SMURF1: variants seen among roughly 807,000 people sequenced by gnomAD.
The protein encoded by SMURF1 is SMAD specific E3 ubiquitin protein ligase 1, also known as E3 ubiquitin-protein ligase SMURF1.
A neutral mutation model predicts 98.0 loss-of-function variants in SMURF1; 44 were observed. The observed-to-expected ratio is 0.45, with a 90% CI of 0.35 to 0.58. The LOEUF (loss-of-function observed/expected upper bound fraction) is 0.58. SMURF1 is among the 20% of genes least tolerant of loss of function. The probability of loss-of-function intolerance (pLI) is 0.00; values close to 1 mark genes in which losing one functional copy is unlikely to be tolerated. For missense variants in SMURF1, 687 were observed against 938.4 expected (o/e 0.73, Z 3.50); for synonymous variants, 396 against 374.9 (o/e 1.06, Z -0.65).
At chr7:99,101,920 C>G (rs1797090958) in intron 1 of SMURF1, among the ~76,000 whole-genome samples, 1 of 147,510 alleles carries the variant, frequency 6.8e-6, no homozygotes, top group Non-Finnish European at 1.5e-5. Flanking sequence ...GGCGACAGAG[C>G]ACGACCACGT....
In SMURF1 at chr7:99,042,729, G is replaced by GACAA. The variant is rs1439074248; in HGVS notation, c.1257-501_1257-498dup. 2.6e-5 allele frequency among the ~76,000 whole-genome samples: 4 copies of GACAA among 152,366 alleles called. No homozygotes were observed. The East Asian group carries it at 7.7e-4, about 29-fold the overall frequency. On this transcript the variant is annotated intron_variant, in intron 11 of 17. Transcript: ENST00000361368. ...CAGGTTGCATTAAGCCCAGCCCTTA[G>GACAA]ACAAACACCTGTGGCAGATCTACGA...
intron 1 of SMURF1, among the ~76,000 whole-genome samples, chr7:99,140,128 G>A (rs1414047225): frequency 6.6e-6 from 1 of 152,032 alleles, no homozygotes; most frequent in Non-Finnish European, 1.5e-5. Flanking sequence ...TAAAGAAACT[G>A]AGACCCAAAA....
rs771219258 is a variant in SMURF1 at position 99,035,610 on chromosome 7, G to A, written c.1916C>T (p.Ala639Val). ...CCTTTCTTCATCGAACGTCTCCACC[G>A]CTTGCCAGAACCACCGCACGATGTT... ...DSNIVRWFWQAVETFDEERRA... is the reference protein window; with the variant it reads ...DSNIVRWFWQVVETFDEERRA... The change falls in exon 16 of 18, where the codon GCG (alanine) becomes GTG (valine). Residue 639 changes from alanine to valine, a missense_variant. Transcript: ENST00000361368. 9 of 1,614,166 alleles carry A rather than the reference G, an allele frequency of 5.6e-6. No homozygotes were observed. The highest frequency in any genetic ancestry group is 1.7e-5 in the Admixed American group (1 of 60,020).
chr7:99,106,615 C>CT (rs1797199477), intron 1 of SMURF1, among the ~76,000 whole-genome samples: 1 of 152,206 alleles, frequency 6.6e-6, no homozygotes, highest in Admixed American at 6.5e-5. Context: ...CAGCCTCTGT[C>CT]TTTAACAATT....
intron 1 of SMURF1, among the ~76,000 whole-genome samples, chr7:99,095,062 T>TGTTTA (rs1554445231): frequency 1.2e-5 from 1 of 83,394 alleles, no homozygotes; most frequent in Non-Finnish European, 3.1e-5. Flanking sequence ...TTGCTGTTTT[T>TGTTTA]GTTTATTTTA....
chr7:99,071,858 G>A (rs961911161), intron 1 of SMURF1, among the ~76,000 whole-genome samples: 2 of 151,860 alleles, frequency 1.3e-5, no homozygotes, highest in South Asian at 4.2e-4. Context: ...AAGATTCCTT[G>A]AGCCCAGGAG....
At chr7:99,136,452 CAGCT>C (rs1797994728) in intron 1 of SMURF1, among the ~76,000 whole-genome samples, 1 of 151,658 alleles carries the variant, frequency 6.6e-6, no homozygotes, top group Non-Finnish European at 1.5e-5. Context: ...ATTTTCCATC[CAGCT>C]AAAGTTTTTT....
At chr7:99,032,804 C>G (rs557185050) in intron 17 of SMURF1, 10 of 652,328 alleles carry the variant, frequency 1.5e-5, no homozygotes, top group African/African-American at 3.6e-5. Flanking sequence ...TAAAGCCGCT[C>G]TATACAGTGT....
At chr7:99,129,309 C>T (rs573181501) in intron 1 of SMURF1, among the ~76,000 whole-genome samples, 44 of 152,286 alleles carry the variant, frequency 2.9e-4, no homozygotes, top group African/African-American at 1.0e-3. Flanking sequence ...ATATTGAACA[C>T]ATTATGTACC....
At chr7:99,129,987 T>C (rs756749885) in intron 1 of SMURF1, among the ~76,000 whole-genome samples, 5 of 152,252 alleles carry the variant, frequency 3.3e-5, no homozygotes, top group African/African-American at 1.2e-4. Context: ...TCAACTATCC[T>C]ATAAAAATCA....
intron 1 of SMURF1, among the ~76,000 whole-genome samples, chr7:99,083,834 GTCTT>G (rs1796621923): frequency 6.6e-6 from 1 of 152,164 alleles, no homozygotes; most frequent in Non-Finnish European, 1.5e-5. Flanking sequence ...TTACTTTTGG[GTCTT>G]TCTTTGTGTT....
At chr7:99,082,959 T>C (rs576229396) in intron 1 of SMURF1, among the ~76,000 whole-genome samples, 1 of 152,342 alleles carries the variant, frequency 6.6e-6, no homozygotes. Flanking sequence ...TCATTGAATT[T>C]ACTCCTATTA....
chr7:99,033,603 T>G (rs768995732), intron 16 of SMURF1, among the ~76,000 whole-genome samples: 1 of 152,058 alleles, frequency 6.6e-6, no homozygotes, highest in Non-Finnish European at 1.5e-5. Context: ...GCCACCACAC[T>G]CAGCCAAGAT....
At chr7:99,056,992 CAA>C (rs76600092) in intron 5 of SMURF1, among the ~76,000 whole-genome samples, 1 of 108,826 alleles carries the variant, frequency 9.2e-6, no homozygotes, top group Non-Finnish European at 2.0e-5. Context: ...AAAAAAAAAC[CAA>C]AAAAAAAAAA....
chr7:99,060,378 CAAAAAA>C (rs11340949), intron 3 of SMURF1, among the ~76,000 whole-genome samples: 9 of 92,500 alleles, frequency 9.7e-5, no homozygotes, highest in African/African-American at 3.0e-4. Context: ...GACTCCGTCT[CAAAAAA>C]AAAAAAAAAA....
chr7:99,114,420 A>C (rs2150609145), intron 1 of SMURF1, among the ~76,000 whole-genome samples: 1 of 152,256 alleles, frequency 6.6e-6, no homozygotes, highest in South Asian at 2.1e-4. Flanking sequence ...ACAAAGAAAA[A>C]CCTTATATAA....
intron 3 of SMURF1, among the ~76,000 whole-genome samples, chr7:99,059,408 A>AAAAT (rs1563010547): frequency 6.5e-5 from 6 of 92,260 alleles, no homozygotes; most frequent in African/African-American, 2.6e-4. Flanking sequence ...AAAAAAAAAT[A>AAAAT]AAATAAAATA....
chr7:99,119,987 G>T (rs1423430533), intron 1 of SMURF1, among the ~76,000 whole-genome samples: 1 of 152,192 alleles, frequency 6.6e-6, no homozygotes, highest in Admixed American at 6.5e-5. Context: ...CAGTGCTGGA[G>T]ATGGGGCTTA....
intron 6 of SMURF1, among the ~76,000 whole-genome samples, chr7:99,054,463 C>T (rs958663462): frequency 5.9e-5 from 9 of 152,112 alleles, no homozygotes; most frequent in African/African-American, 1.7e-4. Context: ...CCCACCACCA[C>T]GCCTGGCTAA....
Sources: allele counts gnomAD v4.1 joint callset (sites outside exome capture counted in the v4.1 genomes callset), GRCh38; gene constraint gnomAD v4.1.1; transcripts MANE v1.5; gene names NCBI Gene and HGNC (gene_info 2026-07-23, HGNC 2026-07-21).